C1QTNF7: variants seen among roughly 807,000 people sequenced by gnomAD.
C1QTNF7 encodes the protein complement C1q tumor necrosis factor-related protein 7.
Under a neutral mutation model 19.6 loss-of-function variants are expected in C1QTNF7, and 15 were observed. The ratio of observed to expected loss-of-function variants is 0.76; its 90% confidence interval spans 0.51 to 1.18. The LOEUF is 1.18. Among genes scored for constraint, C1QTNF7 ranks in the 50% most tolerant of loss-of-function variants. The pLI is 0.00. For missense variants in C1QTNF7, 324 were observed against 359.7 expected, an observed-to-expected ratio of 0.90 and a Z score of 0.80; for synonymous variants, 142 against 137.5, an observed-to-expected ratio of 1.03 and a Z score of -0.23.
At chr4:15,340,327 T>C in intron 1 of C1QTNF7, 1 of 1,239,186 alleles carries the variant, frequency 8.1e-7, no homozygotes, top group Admixed American at 2.1e-5. Context: ...CTTGTAAAAA[T>C]ATGTCAACAA....
chr4:15,375,688 T>C (rs1317426737), intron 1 of C1QTNF7, among the ~76,000 whole-genome samples: 1 of 152,078 alleles, frequency 6.6e-6, no homozygotes, highest in African/African-American at 2.4e-5. Flanking sequence ...ATGTCCCGAG[T>C]CCTCACACTC....
At chr4:15,420,859 A>C (rs1711719972) in intron 1 of C1QTNF7, among the ~76,000 whole-genome samples, 1 of 72,106 alleles carries the variant, frequency 1.4e-5, no homozygotes. Context: ...TTTTTTTACC[A>C]AACCTCAGTG....
chr4:15,401,938 A>G (rs769424144), intron 1 of C1QTNF7, among the ~76,000 whole-genome samples: 2 of 152,226 alleles, frequency 1.3e-5, no homozygotes, highest in Non-Finnish European at 2.9e-5. Context: ...GGAGGCTGAC[A>G]TACCCAAATT....
At chr4:15,339,942 A>C in exon 1 of C1QTNF7, 1 of 583,070 alleles carries the variant, frequency 1.7e-6, no homozygotes, top group Admixed American at 3.2e-5. Context: ...CCCTGGGAGA[A>C]GGAGTGGGAG....
intron 2 of C1QTNF7, among the ~76,000 whole-genome samples, chr4:15,439,060 C>T (rs1712645096): frequency 6.6e-6 from 1 of 152,078 alleles, no homozygotes; most frequent in Non-Finnish European, 1.5e-5. Context: ...GTTTCAATAC[C>T]TAAACATAGA....
At chr4:15,362,344 G>A (rs1342958125) in intron 1 of C1QTNF7, 1 of 151,924 alleles carries the variant, frequency 6.6e-6, no homozygotes. Context: ...TCTTTCTGTG[G>A]GGGACTAATC....
chr4:15,440,532 C>T lies in C1QTNF7; in HGVS notation c.239-1636C>T, dbSNP rs567518289. ...AAGCAATTCCCCTGCCTCAGCCTTCCGAGTAGCTGGGACTACAGGCGCGCA... is the reference window on the plus strand; with the variant it reads ...AAGCAATTCCCCTGCCTCAGCCTTCTGAGTAGCTGGGACTACAGGCGCGCA... On this transcript the variant is annotated intron_variant, in intron 2 of 2. Coordinates refer to ENST00000444304, the MANE Select transcript of C1QTNF7 (RefSeq NM_031911.5). Among the ~76,000 whole-genome samples, 5 of 151,898 alleles carry T rather than the reference C, an allele frequency of 3.3e-5. No individual in the cohort carries two copies. The South Asian group carries it at 1.0e-3, about 32-fold the overall frequency.
At chr4:15,348,683 A>G (rs544716381) in intron 1 of C1QTNF7, among the ~76,000 whole-genome samples, 2 of 152,306 alleles carry the variant, frequency 1.3e-5, no homozygotes, top group South Asian at 2.1e-4. Flanking sequence ...AGGTCTTCAG[A>G]TTTTTCAAGA....
At position 15,435,865 on chromosome 4, in the gene C1QTNF7, G is replaced by C. The variant is rs199963184; in HGVS notation, c.122G>C (p.Gly41Ala). ...RYICSIPGLP[G>A]PPGPPGANGS... ...ATCTGCAGCATTCCTGGCTTGCCTG[G>C]ACCTCCAGGGCCCCCTGGAGCAAAT... is the stretch of plus-strand genomic sequence containing the variant. Residue 41 changes from glycine (G) to alanine (A), a missense_variant, in exon 2 of 3, where the codon GGA becomes GCA. Coordinates refer to ENST00000444304, the MANE Select transcript of C1QTNF7 (RefSeq NM_031911.5). 1 of 1,614,054 alleles carries C rather than the reference G, an allele frequency of 6.2e-7. No homozygotes were observed. The highest frequency in any genetic ancestry group is 1.1e-5 in the South Asian group (1 of 91,066).
At chr4:15,401,882 GTGA>G (rs1719008594) in intron 1 of C1QTNF7, among the ~76,000 whole-genome samples, 1 of 152,086 alleles carries the variant, frequency 6.6e-6, no homozygotes, top group African/African-American at 2.4e-5. Context: ...AAGAAACAGT[GTGA>G]TAAAAATGAT....
rs1444853206 is a variant in C1QTNF7, at chr4:15,444,646, C to G, written c.*1847C>G. ...TTGGATGAGAAAATGATAAAATATGCTAAGTTCTAGGCTGGAAATAAGGGC... is the reference window on the plus strand; with the variant it reads ...TTGGATGAGAAAATGATAAAATATGGTAAGTTCTAGGCTGGAAATAAGGGC... On this transcript the variant is annotated 3_prime_UTR_variant, in exon 3 of 3. Coordinates refer to ENST00000444304, the MANE Select transcript of C1QTNF7 (RefSeq NM_031911.5). 2.6e-5 allele frequency: 4 copies of G among 152,134 alleles called. No individual in the cohort carries two copies. Among genetic ancestry groups the G allele is most frequent in the African/African-American group, 9.7e-5 (4 of 41,420 alleles). 9.4% of individuals were successfully genotyped at this position (152,134 alleles called of 1,614,324 possible). A position where few individuals can be genotyped will look rare whatever the true frequency, so the allele number is the denominator to read the frequency against.
chr4:15,415,208 C>T (rs1719554963), intron 1 of C1QTNF7, among the ~76,000 whole-genome samples: 2 of 152,056 alleles, frequency 1.3e-5, no homozygotes, highest in South Asian at 2.1e-4. Context: ...AGATCATTAA[C>T]CAGGTGTTTA....
At chr4:15,359,444 C>A (rs1717260772) in intron 1 of C1QTNF7, among the ~76,000 whole-genome samples, 1 of 152,108 alleles carries the variant, frequency 6.6e-6, no homozygotes. Flanking sequence ...AGTTGATTCA[C>A]ACTACTTGGG....
intron 1 of C1QTNF7, among the ~76,000 whole-genome samples, chr4:15,369,463 T>C (rs977514770): frequency 6.6e-6 from 1 of 152,230 alleles, no homozygotes; most frequent in Non-Finnish European, 1.5e-5. Flanking sequence ...TGTTTAGGTG[T>C]ATAGTTTTAT....
chr4:15,367,520 T>A (rs1278170430), intron 1 of C1QTNF7, among the ~76,000 whole-genome samples: 1 of 152,208 alleles, frequency 6.6e-6, no homozygotes, highest in East Asian at 1.9e-4. Context: ...ATGCAGCCGA[T>A]GCAGCTCACT....
At chr4:15,371,732 G>A (rs547812948) in intron 1 of C1QTNF7, among the ~76,000 whole-genome samples, 2 of 152,306 alleles carry the variant, frequency 1.3e-5, no homozygotes, top group African/African-American at 4.8e-5. Flanking sequence ...AAGCATGTGA[G>A]TTCAGTTTGA....
chr4:15,429,997 T>A (rs1478241920), intron 1 of C1QTNF7, among the ~76,000 whole-genome samples: 3 of 152,212 alleles, frequency 2.0e-5, no homozygotes, highest in African/African-American at 7.2e-5. Context: ...GAACATGTTT[T>A]CCAGGATTTC....
upstream of C1QTNF7, among the ~76,000 whole-genome samples, chr4:15,424,003 T>C (rs1409302090): frequency 6.6e-6 from 1 of 152,246 alleles, no homozygotes; most frequent in Non-Finnish European, 1.5e-5. Flanking sequence ...GTCCTTAATA[T>C]GAAATGAATA....
chr4:15,351,738 G>C (rs1716946934), intron 1 of C1QTNF7, among the ~76,000 whole-genome samples: 1 of 152,208 alleles, frequency 6.6e-6, no homozygotes, highest in South Asian at 2.1e-4. Flanking sequence ...CCAATGGTGT[G>C]GAAAGCTGCA....
Sources: gnomAD v4.1 joint callset for allele counts (sites outside exome capture counted in the v4.1 genomes callset) on GRCh38, gnomAD v4.1.1 for gene constraint, MANE v1.5 for transcripts, NCBI Gene and HGNC (gene_info 2026-07-23, HGNC 2026-07-21) for gene names.